Variants in ST18 observed in about 807,000 individuals in gnomAD.
The protein encoded by ST18 is suppression of tumorigenicity 18 protein.
A neutral mutation model predicts 110.0 loss-of-function variants in ST18; 50 were observed. The ratio of observed to expected loss-of-function variants is 0.45; its 90% CI spans 0.36 to 0.58. ST18 has a LOEUF of 0.58. Ranked by LOEUF, ST18 falls within the 20% of genes least tolerant of loss-of-function variation. ST18 has a pLI of 0.00. For synonymous variants in ST18, 461 were observed against 452.4 expected, an observed-to-expected ratio of 1.02 and a Z score of -0.24; for missense variants, 1,306 against 1,280.1, an observed-to-expected ratio of 1.02 and a Z score of -0.31.
intron 2 of ST18, among the ~76,000 whole-genome samples, chr8:52,277,052 C>A (rs1015615925): frequency 1.3e-5 from 2 of 152,206 alleles, no homozygotes; most frequent in Non-Finnish European, 2.9e-5. Context: ...TAGGCATGAG[C>A]CACAGTGCCT....
intron 2 of ST18, among the ~76,000 whole-genome samples, chr8:52,345,146 T>A (rs1288870603): frequency 6.6e-6 from 1 of 152,170 alleles, no homozygotes; most frequent in Non-Finnish European, 1.5e-5. Context: ...ATGTTTCAAG[T>A]ATTTATTATT....
chr8:52,388,406 C>T (rs939004068), intron 2 of ST18, among the ~76,000 whole-genome samples: 1 of 152,096 alleles, frequency 6.6e-6, no homozygotes, highest in African/African-American at 2.4e-5. Context: ...ACTTCCACAA[C>T]AAGCCTCAGG....
chr8:52,135,797 A>G (rs1189773510), intron 19 of ST18, among the ~76,000 whole-genome samples: 7 of 152,080 alleles, frequency 4.6e-5, no homozygotes, highest in Non-Finnish European at 1.0e-4. Flanking sequence ...AAGAAAATAT[A>G]ATACGTGAAA....
chr8:52,386,320 ATACT>A (rs1239050395), intron 2 of ST18, among the ~76,000 whole-genome samples: 1 of 152,214 alleles, frequency 6.6e-6, no homozygotes, highest in African/African-American at 2.4e-5. Context: ...AAAAATACAA[ATACT>A]TAAAAAGATT....
intron 2 of ST18, among the ~76,000 whole-genome samples, chr8:52,385,532 G>A (rs1056419195): frequency 2.4e-4 from 37 of 151,396 alleles, no homozygotes; most frequent in Non-Finnish European, 4.4e-4. Flanking sequence ...CCCGGGAGGC[G>A]GAGGTTGCAG....
chr8:52,229,622 GA>G (rs1250512012), intron 3 of ST18: 2 of 152,090 alleles, frequency 1.3e-5, no homozygotes, highest in Non-Finnish European at 2.9e-5. Context: ...GCCTTTTTTA[GA>G]AAAATAGGAT....
chr8:52,136,823 C>T (rs2131772693), intron 18 of ST18, among the ~76,000 whole-genome samples, 165 bp from the exon 19 acceptor site: 1 of 152,304 alleles, frequency 6.6e-6, no homozygotes, highest in African/African-American at 2.4e-5. Context: ...CCAGTCTGGG[C>T]TGGTGGCACT....
intron 2 of ST18, among the ~76,000 whole-genome samples, chr8:52,234,273 AT>A (rs138620539): frequency 2.2e-4 from 33 of 150,934 alleles, no homozygotes; most frequent in South Asian, 2.1e-3. Context: ...TAGAACTACC[AT>A]TTTTTTTTGA....
chr8:52,299,178 A>G lies in ST18; in HGVS notation c.-464-69101T>C, dbSNP rs558254932. ...TAAAATCATACACACGCACACACACATATTTATACACACATATGTGTACAT... is the reference window on the plus strand; with the variant it reads ...TAAAATCATACACACGCACACACACGTATTTATACACACATATGTGTACAT... On this transcript the variant is annotated intron_variant, in intron 2 of 25. Transcript: ENST00000689386. Among the ~76,000 whole-genome samples, 9 of 152,262 alleles carry G rather than the reference A, an allele frequency of 5.9e-5. No homozygotes were observed. The South Asian group carries it at 1.9e-3, about 32-fold the overall frequency.
At chr8:52,234,239 A>G (rs1295193298) in intron 2 of ST18, among the ~76,000 whole-genome samples, 2 of 152,150 alleles carry the variant, frequency 1.3e-5, no homozygotes, top group Non-Finnish European at 2.9e-5. Flanking sequence ...AAAACAGTGC[A>G]GTGATTTCTT....
At chr8:52,352,628 C>T (rs1820883030) in intron 2 of ST18, among the ~76,000 whole-genome samples, 1 of 152,182 alleles carries the variant, frequency 6.6e-6, no homozygotes, top group Admixed American at 6.5e-5. Context: ...GGATCAGCAA[C>T]AGTCAGGGAG....
In ST18 at chr8:52,207,851, T is replaced by C. The variant is rs568565560; in HGVS notation, c.86+4228A>G. ...GGGCTGGACTGGTGTAAAAACACTT[T>C]GCCAATGCAAGAGACAATTACCAAT... On this transcript the variant is annotated intron_variant, in intron 8 of 25. Transcript: ENST00000689386. 7.4e-4 allele frequency among the ~76,000 whole-genome samples: 113 copies of C among 152,304 alleles called. 1 individual carries two copies. The highest frequency in any genetic ancestry group is 1.4e-3 in the Admixed American group (21 of 15,302).
intron 14 of ST18, among the ~76,000 whole-genome samples, chr8:52,160,284 G>A (rs750301247): frequency 1.3e-5 from 2 of 152,200 alleles, no homozygotes; most frequent in Non-Finnish European, 2.9e-5. Context: ...CAGGTTGTTA[G>A]TGGTTATTTA....
At chr8:52,296,883 A>G (rs541327621) in intron 2 of ST18, among the ~76,000 whole-genome samples, 1 of 152,318 alleles carries the variant, frequency 6.6e-6, no homozygotes, top group African/African-American at 2.4e-5. Context: ...TACTAAACAA[A>G]TAGAATCAAG....
intron 2 of ST18, among the ~76,000 whole-genome samples, chr8:52,267,226 A>G (rs1279886734): frequency 6.6e-6 from 1 of 151,960 alleles, no homozygotes; most frequent in Non-Finnish European, 1.5e-5. Context: ...GGGGAATGAG[A>G]GGCCATACTT....
chr8:52,345,930 A>C (rs1303971437), intron 2 of ST18, among the ~76,000 whole-genome samples: 1 of 152,192 alleles, frequency 6.6e-6, no homozygotes, highest in Non-Finnish European at 1.5e-5. Flanking sequence ...AAAAACAAAG[A>C]AAAGTTATAC....
chr8:52,226,835 G>T (rs1447088852), intron 3 of ST18, among the ~76,000 whole-genome samples: 1 of 152,094 alleles, frequency 6.6e-6, no homozygotes, highest in Admixed American at 6.5e-5. Context: ...CTCTATTTAA[G>T]CTATTTCATT....
chr8:52,304,678 A>C (rs1333624593), intron 2 of ST18, among the ~76,000 whole-genome samples: 1 of 152,202 alleles, frequency 6.6e-6, no homozygotes, highest in East Asian at 1.9e-4. Context: ...TGCTATTACA[A>C]ATTACCATAA....
chr8:52,129,663 T>G (rs933542455), intron 22 of ST18, among the ~76,000 whole-genome samples: 2 of 152,160 alleles, frequency 1.3e-5, no homozygotes, highest in East Asian at 3.8e-4. Context: ...TTAAATATTT[T>G]AAATTGCAAG....
Sources: gnomAD v4.1 joint callset for allele counts (sites outside exome capture counted in the v4.1 genomes callset) on GRCh38, gnomAD v4.1.1 for gene constraint, MANE v1.5 for transcripts, NCBI Gene and HGNC (gene_info 2026-07-23, HGNC 2026-07-21) for gene names.